Variants in MBOAT1 observed in about 807,000 individuals in gnomAD.
MBOAT1 encodes membrane bound glycerophospholipid O-acyltransferase 1.
MBOAT1 carries 67 observed loss-of-function variants against 64.4 expected under a neutral mutation model. The observed-to-expected ratio is 1.04, with a 90% CI of 0.85 to 1.27. MBOAT1 has a LOEUF of 1.27. MBOAT1 is among the 50% of genes most tolerant of loss of function. The pLI is 0.00. For synonymous variants in MBOAT1, 229 were observed against 218.9 expected (o/e 1.05, Z -0.41); for missense variants, 563 against 604.6 (o/e 0.93, Z 0.72).
chr6:20,204,592 G>A (rs1763208513), intron 1 of MBOAT1, among the ~76,000 whole-genome samples: 1 of 152,212 alleles, frequency 6.6e-6, no homozygotes, highest in Non-Finnish European at 1.5e-5. Flanking sequence ...ACAGAGGGAA[G>A]ACGAGGAGAG....
intron 11 of MBOAT1, among the ~76,000 whole-genome samples, chr6:20,111,814 A>G (rs1365246849): frequency 8.2e-6 from 1 of 122,124 alleles, no homozygotes; most frequent in Non-Finnish European, 1.7e-5. Flanking sequence ...TCATATATAT[A>G]CATATATATA....
chr6:20,174,233 C>A (rs1247087776), intron 1 of MBOAT1, among the ~76,000 whole-genome samples: 3 of 152,178 alleles, frequency 2.0e-5, no homozygotes, highest in Non-Finnish European at 4.4e-5. Flanking sequence ...GAAGTACAAT[C>A]CTGCGTCGCT....
chr6:20,101,815 G>T lies in MBOAT1; in HGVS notation c.*471C>A, dbSNP rs536256247. On this transcript the variant is annotated 3_prime_UTR_variant, in exon 13 of 13. Transcript: ENST00000324607. ...ATGGCCGATTAATCTGTACAAAAAG[G>T]CTTTATAAAAATACTCCCGGCCGGG... 1.3e-5 allele frequency among the ~76,000 whole-genome samples: 2 copies of T among 151,988 alleles called. No homozygotes were observed. The highest frequency in any genetic ancestry group is 2.4e-5 in the African/African-American group (1 of 41,380).
chr6:20,184,340 T>G (rs140140570), intron 1 of MBOAT1, among the ~76,000 whole-genome samples: 4 of 151,778 alleles, frequency 2.6e-5, no homozygotes, highest in African/African-American at 9.7e-5. Flanking sequence ...ATGGGGTTGG[T>G]GAGGGGGGAC....
chr6:20,116,707 T>A lies in MBOAT1; in HGVS notation c.1012-1355A>T, dbSNP rs543563304. Among the ~76,000 whole-genome samples, 175 of 152,344 alleles carry A rather than the reference T, an allele frequency of 1.1e-3. 1 individual carries two copies. The highest frequency in any genetic ancestry group is 4.1e-3 in the African/African-American group (172 of 41,576). On this transcript the variant is annotated intron_variant, in intron 9 of 12. Coordinates refer to ENST00000324607, the MANE Select transcript of MBOAT1 (RefSeq NM_001080480.3). ...TTTTTCTTTAGCTCCTTATTCTATATCAAATGTATGATGAAAATGTAAACT... is the reference window on the plus strand; with the variant it reads ...TTTTTCTTTAGCTCCTTATTCTATAACAAATGTATGATGAAAATGTAAACT...
intron 1 of MBOAT1, among the ~76,000 whole-genome samples, chr6:20,206,166 G>A (rs1007899423): frequency 2.0e-5 from 3 of 151,820 alleles, no homozygotes; most frequent in Admixed American, 6.6e-5. Flanking sequence ...CTGCTGCTTT[G>A]CACTGTTTTC....
intron 1 of MBOAT1, among the ~76,000 whole-genome samples, chr6:20,195,719 G>A (rs1281830426): frequency 1.3e-5 from 2 of 152,062 alleles, no homozygotes; most frequent in African/African-American, 4.8e-5. Flanking sequence ...CTAAACATGA[G>A]TTCATACTGA....
chr6:20,127,078 G>A (rs972863236), intron 6 of MBOAT1, among the ~76,000 whole-genome samples: 33 of 152,278 alleles, frequency 2.2e-4, no homozygotes, highest in Middle Eastern at 6.8e-3. Flanking sequence ...TTAGCGGATC[G>A]AGATGCTTCC....
chr6:20,167,537 ATGAGTTGATTACCCAC>A (rs1275412492), intron 1 of MBOAT1, among the ~76,000 whole-genome samples: 25 of 152,336 alleles, frequency 1.6e-4, no homozygotes, highest in Admixed American at 3.9e-4. Context: ...GCTTTGGCCA[ATGAGTTGATTACCCAC>A]TGAACTAACG....
chr6:20,100,735 C>T lies in MBOAT1; in HGVS notation c.*1551G>A, dbSNP rs1052173308. ...TTTATATGGGAACATACTGTTTATT[C>T]AATAAGAAATTAATTTTTTATCGTT... On this transcript the variant is annotated 3_prime_UTR_variant, in exon 13 of 13. Transcript: ENST00000324607. Among the ~76,000 whole-genome samples the T allele has an allele frequency of 6.6e-6, 1 of 152,162 alleles. No individual in the cohort carries two copies. Among genetic ancestry groups the T allele is most frequent in the South Asian group, 2.1e-4 (1 of 4,820 alleles).
At chr6:20,125,693 T>C (rs1760628969) in intron 7 of MBOAT1, among the ~76,000 whole-genome samples, 1 of 152,234 alleles carries the variant, frequency 6.6e-6, no homozygotes, top group Non-Finnish European at 1.5e-5. Context: ...GCAGATGAAC[T>C]TGAGATACTT....
At chr6:20,128,870 A>T in intron 5 of MBOAT1, 117 bp from the exon 6 acceptor site, 1 of 721,078 alleles carries the variant, frequency 1.4e-6, no homozygotes, top group Non-Finnish European at 2.2e-6. Context: ...TTCATAAATC[A>T]TAAAGAGTTC....
intron 8 of MBOAT1, among the ~76,000 whole-genome samples, chr6:20,119,848 T>C (rs1760441042): frequency 6.6e-6 from 1 of 152,202 alleles, no homozygotes; most frequent in Non-Finnish European, 1.5e-5. Flanking sequence ...GAGGTCTGTG[T>C]TGAGAACTAA....
intron 10 of MBOAT1, 121 bp from the exon 11 acceptor site, chr6:20,113,129 C>T (rs1201070725): frequency 1.6e-6 from 2 of 1,232,030 alleles, no homozygotes; most frequent in African/African-American, 3.0e-5. Flanking sequence ...AGATGCCTCC[C>T]TAACCGTCTT....
intron 5 of MBOAT1, among the ~76,000 whole-genome samples, chr6:20,130,375 A>T (rs1464453084): frequency 6.6e-6 from 1 of 151,840 alleles, no homozygotes; most frequent in Non-Finnish European, 1.5e-5. Flanking sequence ...TGTTGTTGTT[A>T]TGGAGTCTCG....
At position 20,102,427 on chromosome 6, in the gene MBOAT1, A is replaced by G; in HGVS notation, c.1362-15T>C. 1 of 1,583,356 alleles carries G rather than the reference A, an allele frequency of 6.3e-7. No individual in the cohort carries two copies. The highest frequency in any genetic ancestry group is 8.6e-7 in the Non-Finnish European group (1 of 1,157,038). On this transcript the variant is annotated splice_polypyrimidine_tract_variant and intron_variant, in intron 12 of 12. Coordinates refer to ENST00000324607, the MANE Select transcript of MBOAT1 (RefSeq NM_001080480.3). ...AGTACATGGACCTGGGAATAAAAAT[A>G]TACAAAAATTATATTTCAAATAAGG...
intron 1 of MBOAT1, among the ~76,000 whole-genome samples, chr6:20,153,720 T>C (rs1270590416): frequency 1.3e-5 from 2 of 152,182 alleles, no homozygotes; most frequent in African/African-American, 4.8e-5. Context: ...GCCAAGCCTG[T>C]CCAGTTATGC....
chr6:20,151,856 T>A (rs952385920), intron 2 of MBOAT1, among the ~76,000 whole-genome samples: 2 of 152,226 alleles, frequency 1.3e-5, no homozygotes, highest in Non-Finnish European at 2.9e-5. Flanking sequence ...AGATCTGCAC[T>A]AAACGCATTG....
chr6:20,137,759 C>A (rs1761041363), intron 4 of MBOAT1, among the ~76,000 whole-genome samples: 1 of 152,042 alleles, frequency 6.6e-6, no homozygotes, highest in Non-Finnish European at 1.5e-5. Flanking sequence ...TTAACACAAA[C>A]ACTAACCTCA....
Sources: gnomAD v4.1 joint callset for allele counts (sites outside exome capture counted in the v4.1 genomes callset) on GRCh38, gnomAD v4.1.1 for gene constraint, MANE v1.5 for transcripts, NCBI Gene and HGNC (gene_info 2026-07-23, HGNC 2026-07-21) for gene names.